KCNJ12: variants seen among roughly 807,000 people sequenced by gnomAD.
KCNJ12 encodes potassium inwardly rectifying channel subfamily J member 12.
Under a neutral mutation model 22.3 loss-of-function variants are expected in KCNJ12, and 2 were observed. That is an observed-to-expected ratio of 0.09 (90% CI 0.04 to 0.28). KCNJ12 has a LOEUF of 0.28. Among genes scored for constraint, KCNJ12 ranks in the 10% least tolerant of loss-of-function variants. KCNJ12 has a pLI of 1.00. For missense variants in KCNJ12, 155 were observed against 633.3 expected (o/e 0.24, Z 8.11); for synonymous variants, 117 against 261.4 (o/e 0.45, Z 5.33).
rs547262389 is a variant in KCNJ12, at chr17:21,384,781, T to G, written c.-179+7868T>G. On this transcript the variant is annotated intron_variant, in intron 1 of 2. Transcript: ENST00000583088. ...GTTGTTGTTTGTTTGTTTTTTTTTT[T>G]TTTTGTTTTGAGACGGAGTCTCACT... Among the ~76,000 whole-genome samples the G allele has an allele frequency of 4.2e-4, 63 of 150,324 alleles. No individual in the cohort carries two copies. In the East Asian group the frequency reaches 8.6e-3, roughly 20 times the overall value.
intron 2 of KCNJ12, among the ~76,000 whole-genome samples, chr17:21,413,230 T>G: frequency 8.7e-6 from 1 of 114,908 alleles, no homozygotes; most frequent in Non-Finnish European, 2.1e-5. Flanking sequence ...CATTGCTGCC[T>G]CCTGCCTATG....
At chr17:21,386,130 C>A (rs1905061578) in intron 1 of KCNJ12, among the ~76,000 whole-genome samples, 1 of 152,244 alleles carries the variant, frequency 6.6e-6, no homozygotes, top group Non-Finnish European at 1.5e-5. Context: ...AGTACAAATG[C>A]AGCATCCGTT....
At position 21,404,904 on chromosome 17, in the gene KCNJ12, C is replaced by T. The variant is rs1280054569; in HGVS notation, c.-178-3615C>T. On this transcript the variant is annotated intron_variant, in intron 1 of 2. Transcript: ENST00000583088. ...CCTCACCTCAGGGCTTAAGGGTGGA[C>T]GTTTGCCTTTTCTGGCCGCTTGGTG... 3.9e-5 allele frequency among the ~76,000 whole-genome samples: 6 copies of T among 152,260 alleles called. No homozygotes were observed. In the East Asian group the frequency reaches 5.8e-4, roughly 15 times the overall value.
At chr17:21,379,617 C>G (rs1251568318) in intron 1 of KCNJ12, among the ~76,000 whole-genome samples, 2 of 152,202 alleles carry the variant, frequency 1.3e-5, no homozygotes, top group Non-Finnish European at 2.9e-5. Flanking sequence ...GGAGGCTTGG[C>G]TGGCCACATG....
At chr17:21,391,943 G>A (rs1232709750) in intron 1 of KCNJ12, among the ~76,000 whole-genome samples, 1 of 152,248 alleles carries the variant, frequency 6.6e-6, no homozygotes, top group East Asian at 1.9e-4. Flanking sequence ...GCTGTGGGGC[G>A]TTGCATGGCT....
chr17:21,395,293 G>GAAAA (rs1161884090), intron 1 of KCNJ12, among the ~76,000 whole-genome samples: 5 of 55,654 alleles, frequency 9.0e-5, no homozygotes, highest in East Asian at 6.9e-4. Context: ...AGATCCTAAA[G>GAAAA]AAAAAAAAAA....
At chr17:21,389,747 C>T in intron 1 of KCNJ12, among the ~76,000 whole-genome samples, 1 of 152,108 alleles carries the variant, frequency 6.6e-6, no homozygotes, top group South Asian at 2.1e-4. Flanking sequence ...ACCTGTGTCC[C>T]CCAGCACCAG....
At position 21,416,389 on chromosome 17, in the gene KCNJ12, T is replaced by G. The variant is rs1451481215; in HGVS notation, c.1047T>G (p.Tyr349Ter). The G allele has an allele frequency of 6.2e-7, 1 of 1,613,722 alleles. No homozygotes were observed. Among genetic ancestry groups the G allele is most frequent in the Non-Finnish European group, 8.5e-7 (1 of 1,179,998 alleles). Residue 349 changes from tyrosine (Y) to a stop codon, truncating the protein, a stop_gained, in exon 3 of 3, where the codon TAT becomes TAG. Transcript: ENST00000583088. LOFTEE classifies it high-confidence loss of function. The stretch of plus-strand genomic sequence containing the variant: ...ACTACTCGCACTTCCACAAGACCTA[T>G]GAGGTGCCCTCTACGCCCCGCTGCA... ...KIDYSHFHKT[Y>*]EVPSTPRCSA...
At chr17:21,377,466 C>T (rs960056146) in intron 1 of KCNJ12, among the ~76,000 whole-genome samples, 1 of 152,186 alleles carries the variant, frequency 6.6e-6, no homozygotes, top group African/African-American at 2.4e-5. Flanking sequence ...GAAATGATTC[C>T]ATGCCAGCAA....
At chr17:21,392,160 G>C (rs1204945705) in intron 1 of KCNJ12, among the ~76,000 whole-genome samples, 1 of 152,160 alleles carries the variant, frequency 6.6e-6, no homozygotes, top group African/African-American at 2.4e-5. Context: ...CTGAGCCTTC[G>C]TGTCCCCAGG....
Position 21,417,950 on chromosome 17 carries a change from T to G in KCNJ12, c.*1306T>G, listed in dbSNP as rs2142086174. The G allele has an allele frequency of 6.0e-6, 1 of 167,284 alleles. No individual in the cohort carries two copies. Among genetic ancestry groups the G allele is most frequent in the East Asian group, 1.9e-4 (1 of 5,182 alleles). The allele number at this position is 167,284 out of a possible 1,614,324, so 10.4% of individuals were successfully genotyped here. On this transcript the variant is annotated 3_prime_UTR_variant, in exon 3 of 3. Transcript: ENST00000583088. ...AAGGAGAGGAATCGCCACCCCCTCCTGCCAACTGGGATGACTGGGGAGGGC... is the reference window on the plus strand; with the variant it reads ...AAGGAGAGGAATCGCCACCCCCTCCGGCCAACTGGGATGACTGGGGAGGGC...
chr17:21,386,497 T>C (rs34018538), intron 1 of KCNJ12, among the ~76,000 whole-genome samples: 1 of 152,090 alleles, frequency 6.6e-6, no homozygotes, highest in Non-Finnish European at 1.5e-5. Context: ...AATTTTATTG[T>C]ATTTATTTTT....
At chr17:21,411,859 C>T (rs1906368442) in intron 2 of KCNJ12, among the ~76,000 whole-genome samples, 1 of 152,430 alleles carries the variant, frequency 6.6e-6, no homozygotes, top group South Asian at 2.1e-4. Flanking sequence ...TAACATCTTG[C>T]CACACCTGTG....
intron 2 of KCNJ12, among the ~76,000 whole-genome samples, chr17:21,411,081 G>A (rs2885964): frequency 9.7e-3 from 1,454 of 150,364 alleles, no homozygotes; most frequent in Middle Eastern, 0.017. Context: ...TCTCCCTTCC[G>A]GTCAGTGCTT....
intron 1 of KCNJ12, among the ~76,000 whole-genome samples, chr17:21,406,824 G>T (rs1199799695): frequency 3.3e-5 from 5 of 152,304 alleles, no homozygotes; most frequent in African/African-American, 9.6e-5. Flanking sequence ...GAAAGGGCAG[G>T]CCCCATGAAC....
At chr17:21,394,559 A>G (rs1428267557) in intron 1 of KCNJ12, among the ~76,000 whole-genome samples, 2 of 152,300 alleles carry the variant, frequency 1.3e-5, no homozygotes, top group East Asian at 1.9e-4. Flanking sequence ...CTAAGCTCTC[A>G]TTATAGATTA....
chr17:21,387,903 G>A (rs1905117026), intron 1 of KCNJ12, among the ~76,000 whole-genome samples: 1 of 152,162 alleles, frequency 6.6e-6, no homozygotes, highest in South Asian at 2.1e-4. Flanking sequence ...GTTTTGAGGT[G>A]TCACTGCTGT....
At chr17:21,390,552 G>A (rs1555559196) in intron 1 of KCNJ12, among the ~76,000 whole-genome samples, 2 of 152,242 alleles carry the variant, frequency 1.3e-5, no homozygotes, top group African/African-American at 4.8e-5. Context: ...CCAAGGGGCG[G>A]GGGCACAGGG....
At chr17:21,394,841 G>T (rs1354764377) in intron 1 of KCNJ12, among the ~76,000 whole-genome samples, 3 of 152,194 alleles carry the variant, frequency 2.0e-5, no homozygotes, top group African/African-American at 4.8e-5. Context: ...ATTAGAAATT[G>T]TTCATCTTAG....
Sources: gnomAD v4.1 joint callset for allele counts (sites outside exome capture counted in the v4.1 genomes callset) on GRCh38, gnomAD v4.1.1 for gene constraint, MANE v1.5 for transcripts, NCBI Gene and HGNC (gene_info 2026-07-23, HGNC 2026-07-21) for gene names.